The following XDH variants were observed in gnomAD, a reference collection of about 807,000 sequenced individuals.
The protein encoded by XDH is xanthine dehydrogenase/oxidase.
A neutral mutation model predicts 156.1 loss-of-function variants in XDH; 138 were observed. That is an observed-to-expected ratio of 0.88 (90% CI 0.77 to 1.02). XDH has a LOEUF of 1.02. XDH is among the 50% of genes least tolerant of loss of function. The pLI is 0.00. For missense variants in XDH, 1,849 were observed against 1,684.9 expected, an observed-to-expected ratio of 1.10 and a Z score of -1.71; for synonymous variants, 669 against 625.7, an observed-to-expected ratio of 1.07 and a Z score of -1.03.
chr2:31,349,982 C>T, intron 25 of XDH, 50 bp downstream of exon 25: 1 of 1,612,500 alleles, frequency 6.2e-7, no homozygotes, highest in East Asian at 2.2e-5. Flanking sequence ...CCGCTGTCCC[C>T]CGAAGTAGTC....
At chr2:31,393,630 T>C (rs1162146306) in intron 6 of XDH, among the ~76,000 whole-genome samples, 1 of 152,144 alleles carries the variant, frequency 6.6e-6, no homozygotes, top group Non-Finnish European at 1.5e-5. Context: ...ATCATTGATA[T>C]AGTTGGATTA....
Position 31,379,940 on chromosome 2 carries a change from A to G in XDH, c.1169T>C (p.Phe390Ser). 6.2e-7 allele frequency: 1 copy of G among 1,614,004 alleles called. No homozygotes were observed. The change falls in exon 13 of 36, where the codon TTC becomes TCC. Residue 390 changes from phenylalanine (F) to serine (S), a missense_variant. Coordinates refer to ENST00000379416, the MANE Select transcript of XDH (RefSeq NM_000379.4). Reference protein sequence around the residue: ...RRTVQMDHTFFPGYRKTLLSP... With the variant: ...RRTVQMDHTFSPGYRKTLLSP... The stretch of plus-strand genomic sequence containing the variant: ...CAGCAGGGTCTTTCTGTAGCCAGGG[A>G]AGAAGGTGTGGTCCATCTGGACAGT...
intron 12 of XDH, among the ~76,000 whole-genome samples, chr2:31,380,919 A>T (rs1167206453): frequency 6.6e-6 from 1 of 152,240 alleles, no homozygotes; most frequent in Non-Finnish European, 1.5e-5. Context: ...TGAAGTACTT[A>T]CGAAGTGATG....
intron 24 of XDH, among the ~76,000 whole-genome samples, chr2:31,358,727 T>A (rs148653593): frequency 6.6e-6 from 1 of 152,176 alleles, no homozygotes; most frequent in African/African-American, 2.4e-5. Context: ...ATAAAGATGC[T>A]CAGAAAACAC....
intron 2 of XDH, among the ~76,000 whole-genome samples, chr2:31,405,616 C>T (rs1466293970): frequency 6.6e-6 from 1 of 152,196 alleles, no homozygotes; most frequent in East Asian, 1.9e-4. Flanking sequence ...GACCATGAAG[C>T]TCACCAAGGC....
At chr2:31,411,826 T>C (rs1687350704) in intron 1 of XDH, among the ~76,000 whole-genome samples, 1 of 152,246 alleles carries the variant, frequency 6.6e-6, no homozygotes, top group Non-Finnish European at 1.5e-5. Context: ...CTAACTAGTA[T>C]ATGGGCTCCA....
At chr2:31,410,493 T>A (rs960169843) in intron 1 of XDH, among the ~76,000 whole-genome samples, 1 of 152,244 alleles carries the variant, frequency 6.6e-6, no homozygotes, top group Admixed American at 6.5e-5. Context: ...TCTTCTCACA[T>A]AGCCTCTATT....
chr2:31,348,732 A>G (rs997212176), intron 27 of XDH, among the ~76,000 whole-genome samples, 167 bp downstream of exon 27: 1 of 152,202 alleles, frequency 6.6e-6, no homozygotes, highest in African/African-American at 2.4e-5. Context: ...CCCATGACCT[A>G]CTGGACAAAT....
At chr2:31,387,116 G>A (rs2148785543) in intron 8 of XDH, among the ~76,000 whole-genome samples, 1 of 152,288 alleles carries the variant, frequency 6.6e-6, no homozygotes, top group African/African-American at 2.4e-5. Flanking sequence ...TGAGAACGAA[G>A]CCCTCAAATC....
intron 5 of XDH, 46 bp from the exon 6 acceptor site, chr2:31,397,775 A>C (rs1319892904): frequency 4.3e-6 from 7 of 1,610,958 alleles, no homozygotes; most frequent in South Asian, 1.1e-5. Context: ...GGGCCCTGGG[A>C]TGGGTGAGGA....
chr2:31,396,804 A>G (rs1686918850), intron 6 of XDH, among the ~76,000 whole-genome samples: 1 of 152,226 alleles, frequency 6.6e-6, no homozygotes, highest in African/African-American at 2.4e-5. Flanking sequence ...CATCAGCAGC[A>G]GCATTAATCA....
At chr2:31,401,430 TC>T in intron 3 of XDH, 102 bp from the exon 4 acceptor site, 1 of 1,160,476 alleles carries the variant, frequency 8.6e-7, no homozygotes, top group African/African-American at 1.5e-5. Context: ...TTATGTTACG[TC>T]TCTCCGCTCC....
intron 33 of XDH, 99 bp downstream of exon 33, chr2:31,341,230 G>A: frequency 8.2e-7 from 1 of 1,222,348 alleles, no homozygotes; most frequent in Non-Finnish European, 1.2e-6. Flanking sequence ...CCTGTTTGAA[G>A]ACAACCTTGG....
At chr2:31,382,862 A>T in intron 11 of XDH, 139 bp downstream of exon 11, 1 of 1,290,388 alleles carries the variant, frequency 7.7e-7, no homozygotes. Flanking sequence ...TCTGCACTTT[A>T]ACAAGCACTG....
intron 5 of XDH, 145 bp downstream of exon 5, chr2:31,398,428 C>T: frequency 6.8e-7 from 1 of 1,466,652 alleles, no homozygotes; most frequent in Non-Finnish European, 9.4e-7. Flanking sequence ...GGCTTTCTAG[C>T]AGATCTTAGT....
chr2:31,355,897 G>A (rs1008967335), intron 24 of XDH, among the ~76,000 whole-genome samples: 5 of 152,118 alleles, frequency 3.3e-5, no homozygotes, highest in African/African-American at 1.2e-4. Flanking sequence ...ATATAATAAT[G>A]TAGGCAAGTT....
chr2:31,412,807 A>G (rs1687378178), intron 1 of XDH, among the ~76,000 whole-genome samples: 1 of 152,196 alleles, frequency 6.6e-6, no homozygotes, highest in African/African-American at 2.4e-5. Context: ...CATTGCTTTC[A>G]CATAATTACT....
intron 5 of XDH, 30 bp from the exon 6 acceptor site, chr2:31,397,759 A>G (rs1686950070): frequency 1.9e-6 from 3 of 1,614,000 alleles, no homozygotes; most frequent in Admixed American, 1.7e-5. Flanking sequence ...CTGCAATGTC[A>G]GTGCAGGGCC....
At chr2:31,391,579 A>G (rs1415356720) in intron 6 of XDH, among the ~76,000 whole-genome samples, 1 of 152,228 alleles carries the variant, frequency 6.6e-6, no homozygotes, top group East Asian at 1.9e-4. Context: ...TTGAGTCTAC[A>G]GTTGGGAACA....
Sources: gnomAD v4.1 joint callset for allele counts (sites outside exome capture counted in the v4.1 genomes callset) on GRCh38, gnomAD v4.1.1 for gene constraint, MANE v1.5 for transcripts, NCBI Gene and HGNC (gene_info 2026-07-23, HGNC 2026-07-21) for gene names.